TCF4: variants seen among roughly 807,000 people sequenced by gnomAD.
The protein encoded by TCF4 is SL3-3 enhancer factor 2.
TCF4 carries 3 observed loss-of-function variants against 82.1 expected under a neutral mutation model. That is an observed-to-expected ratio of 0.04 (90% CI 0.02 to 0.09). The LOEUF (loss-of-function observed/expected upper bound fraction) is 0.09, where lower values mean the gene tolerates loss of function less well. Among genes scored for constraint, TCF4 ranks in the 10% least tolerant of loss-of-function variants. The pLI is 1.00. For missense variants in TCF4, 518 were observed against 852.7 expected, an observed-to-expected ratio of 0.61 and a Z score of 4.89; for synonymous variants, 276 against 309.6, an observed-to-expected ratio of 0.89 and a Z score of 1.14.
At chr18:55,511,022 G>T (rs187462956) in intron 3 of TCF4, among the ~76,000 whole-genome samples, 8 of 152,182 alleles carry the variant, frequency 5.3e-5, no homozygotes, top group South Asian at 4.2e-4. Context: ...CGTTCAACAT[G>T]CCTCTCTTGG....
At chr18:55,529,483 A>G (rs2146679069) in intron 3 of TCF4, among the ~76,000 whole-genome samples, 1 of 152,320 alleles carries the variant, frequency 6.6e-6, no homozygotes, top group East Asian at 1.9e-4. Context: ...GTATGAACGA[A>G]TGGGGTCTTA....
intron 3 of TCF4, among the ~76,000 whole-genome samples, chr18:55,493,634 A>G (rs1028651230): frequency 1.2e-4 from 18 of 152,204 alleles, no homozygotes; most frequent in African/African-American, 4.1e-4. Context: ...AAAATGTGGG[A>G]AAGTTAATTT....
intron 3 of TCF4, chr18:55,482,676 G>C (rs2096456854): frequency 6.6e-6 from 1 of 152,128 alleles, no homozygotes; most frequent in Non-Finnish European, 1.5e-5. Flanking sequence ...TGAACATCAA[G>C]GTCATCCTGA....
At chr18:55,263,025 C>T (rs1016434358) in intron 11 of TCF4, among the ~76,000 whole-genome samples, 1 of 152,066 alleles carries the variant, frequency 6.6e-6, no homozygotes, top group Non-Finnish European at 1.5e-5. Flanking sequence ...AGGCTGGTCT[C>T]GAACTCCTGA....
Position 55,480,276 on chromosome 18 carries a change from C to CAAAAA in TCF4, c.146-16144_146-16140dup, listed in dbSNP as rs74180500. Among the ~76,000 whole-genome samples the CAAAAA allele has an allele frequency of 6.5e-4, 18 of 27,696 alleles. 2 individuals carry two copies. The highest frequency in any genetic ancestry group is 1.6e-3 in the Admixed American group (3 of 1,848). 18.2% of individuals were successfully genotyped at this position (27,696 alleles called of 152,430 possible). A position where few individuals can be genotyped will look rare whatever the true frequency, so the allele number is the denominator to read the frequency against. Reference sequence around the variant, plus strand: ...GGAACCTGGAACACAGTAGGAACTCCAAAAAAAAAAAAAAAAAAAAGCGGG... The same window carrying CAAAAA: ...GGAACCTGGAACACAGTAGGAACTCCAAAAAAAAAAAAAAAAAAAAAAAAAGCGGG... On this transcript the variant is annotated intron_variant, in intron 3 of 19. Coordinates refer to ENST00000354452, the MANE Select transcript of TCF4 (RefSeq NM_001083962.2).
chr18:55,302,877 T>C (rs982087374), intron 8 of TCF4, among the ~76,000 whole-genome samples: 8 of 152,144 alleles, frequency 5.3e-5, no homozygotes, highest in Non-Finnish European at 8.8e-5. Flanking sequence ...TTTTACAGAA[T>C]AAAAGTGGTG....
At chr18:55,524,323 T>C in intron 3 of TCF4, among the ~76,000 whole-genome samples, 1 of 152,148 alleles carries the variant, frequency 6.6e-6, no homozygotes, top group South Asian at 2.1e-4. Flanking sequence ...TGAGTGTATA[T>C]TCTTCAAGAT....
At chr18:55,412,189 A>T (rs1457491341) in intron 5 of TCF4, among the ~76,000 whole-genome samples, 1 of 152,166 alleles carries the variant, frequency 6.6e-6, no homozygotes, top group East Asian at 1.9e-4. Context: ...CAAAAAGTAG[A>T]TTACTACTAG....
At chr18:55,535,817 A>C (rs2097109636) in intron 3 of TCF4, among the ~76,000 whole-genome samples, 1 of 152,234 alleles carries the variant, frequency 6.6e-6, no homozygotes, top group South Asian at 2.1e-4. Context: ...ATTAAAAATC[A>C]GAAGTAAAAT....
intron 2 of TCF4, among the ~76,000 whole-genome samples, chr18:55,586,446 G>T (rs957749882): frequency 6.6e-6 from 1 of 152,192 alleles, no homozygotes; most frequent in Non-Finnish European, 1.5e-5. Context: ...GTCAAGTTCC[G>T]CTTTGTGCTG....
At chr18:55,403,813 T>C in intron 5 of TCF4, 1 of 1,501,110 alleles carries the variant, frequency 6.7e-7, no homozygotes, top group South Asian at 1.3e-5. Context: ...ATTTTCACTT[T>C]CTCTTGCACA....
intron 4 of TCF4, 83 bp downstream of exon 4, chr18:55,463,993 A>G: frequency 8.0e-7 from 1 of 1,257,694 alleles, no homozygotes; most frequent in South Asian, 1.2e-5. Flanking sequence ...AGAGAGAGAG[A>G]GAGAGAGAGA....
At chr18:55,393,900 T>C (rs1198180983) in intron 6 of TCF4, among the ~76,000 whole-genome samples, 1 of 151,932 alleles carries the variant, frequency 6.6e-6, no homozygotes, top group African/African-American at 2.4e-5. Flanking sequence ...GAGGCAGGAG[T>C]TATTTAATTT....
intron 3 of TCF4, among the ~76,000 whole-genome samples, chr18:55,501,985 A>T (rs1603616341): frequency 6.6e-6 from 1 of 152,356 alleles, no homozygotes; most frequent in East Asian, 1.9e-4. Context: ...AACATTTTAC[A>T]GGCTGTAACA....
At chr18:55,471,279 C>T (rs1192767293) in intron 3 of TCF4, among the ~76,000 whole-genome samples, 1 of 152,050 alleles carries the variant, frequency 6.6e-6, no homozygotes, top group East Asian at 1.9e-4. Context: ...TTCTATTAGA[C>T]ATAAGAAATG....
At chr18:55,377,553 A>T (rs1206639625) in intron 6 of TCF4, among the ~76,000 whole-genome samples, 2 of 152,252 alleles carry the variant, frequency 1.3e-5, no homozygotes, top group African/African-American at 2.4e-5. Flanking sequence ...AACTGATACA[A>T]ATAGCCACTT....
intron 11 of TCF4, among the ~76,000 whole-genome samples, chr18:55,263,374 A>G (rs954807552): frequency 1.2e-4 from 19 of 152,188 alleles, no homozygotes; most frequent in African/African-American, 4.6e-4. Flanking sequence ...CAAGAGTATT[A>G]AAAATATTTA....
intron 2 of TCF4, among the ~76,000 whole-genome samples, chr18:55,613,082 G>T (rs940242994): frequency 1.3e-5 from 2 of 151,930 alleles, no homozygotes; most frequent in Non-Finnish European, 2.9e-5. Context: ...TTCTTAAAAA[G>T]TAGCTCTGTT....
chr18:55,255,618 T>C (rs550714126), intron 14 of TCF4, among the ~76,000 whole-genome samples: 2 of 152,298 alleles, frequency 1.3e-5, no homozygotes, highest in African/African-American at 4.8e-5. Flanking sequence ...CTCTCCAGTG[T>C]ACACTTTAAA....
Sources: allele counts gnomAD v4.1 joint callset (sites outside exome capture counted in the v4.1 genomes callset), GRCh38; gene constraint gnomAD v4.1.1; transcripts MANE v1.5; gene names NCBI Gene and HGNC (gene_info 2026-07-23, HGNC 2026-07-21).